Variants in IL1R1 observed in about 807,000 individuals in gnomAD.
IL1R1 encodes interleukin 1 receptor type 1.
In IL1R1, 22 loss-of-function variants were observed where a neutral mutation model predicts 50.2. The observed-to-expected ratio is 0.44, with a 90% CI of 0.31 to 0.63. The LOEUF (loss-of-function observed/expected upper bound fraction) is 0.63, where lower values mean the gene tolerates loss of function less well. Among genes scored for constraint, IL1R1 ranks in the 20% least tolerant of loss-of-function variants. IL1R1 has a pLI of 0.07. For synonymous variants in IL1R1, 251 were observed against 236.7 expected (o/e 1.06, Z -0.55); for missense variants, 509 against 676.2 (o/e 0.75, Z 2.74).
At chr2:102,102,397 T>C (rs2104339577), upstream of IL1R1, among the ~76,000 whole-genome samples, 1 of 152,274 alleles carries the variant, frequency 6.6e-6, no homozygotes, top group South Asian at 2.1e-4. Flanking sequence ...CAATCAGTTT[T>C]CTCACCTGTA....
At chr2:102,164,121 A>G (rs1252640904) in intron 3 of IL1R1, among the ~76,000 whole-genome samples, 1 of 151,854 alleles carries the variant, frequency 6.6e-6, no homozygotes, top group African/African-American at 2.4e-5. Context: ...TCATTTTCTT[A>G]TATGCTTACA....
chr2:102,082,668 T>C (rs747375454), intron 1 of IL1R1, among the ~76,000 whole-genome samples: 7 of 152,180 alleles, frequency 4.6e-5, no homozygotes, highest in Non-Finnish European at 7.3e-5. Flanking sequence ...CAGAGAGTCT[T>C]ATTGTGCCAT....
At position 102,176,687 on chromosome 2, in the gene IL1R1, A is replaced by G. The variant is rs1272321919; in HGVS notation, c.1638A>G (p.Ser546=). Residue 546 remains serine, a synonymous_variant, in exon 12 of 12, where the codon TCA becomes TCG. Transcript: ENST00000410023. ...TGCCAGTCCAGCGACGGTCACCTTC[A>G]TCTAAACACCAGTTACTGTCACCAG... ...YHMPVQRRSP[S]SKHQLLSPAT... 1 of 1,614,202 alleles carries G rather than the reference A, an allele frequency of 6.2e-7. No individual in the cohort carries two copies. The highest frequency in any genetic ancestry group is 8.5e-7 in the Non-Finnish European group (1 of 1,180,046).
At chr2:102,110,944 C>T (rs923045472) in intron 1 of IL1R1, among the ~76,000 whole-genome samples, 12 of 152,116 alleles carry the variant, frequency 7.9e-5, no homozygotes, top group East Asian at 1.9e-4. Context: ...GTGATTGGGA[C>T]GGCTCGAGGT....
intron 1 of IL1R1, among the ~76,000 whole-genome samples, chr2:102,108,592 C>T (rs1378001638): frequency 3.3e-5 from 5 of 151,872 alleles, no homozygotes; most frequent in Non-Finnish European, 5.9e-5. Flanking sequence ...AATATTTACC[C>T]AGTTCTGTGG....
chr2:102,109,827 C>G (rs1338846223), intron 1 of IL1R1, among the ~76,000 whole-genome samples: 1 of 152,158 alleles, frequency 6.6e-6, no homozygotes, highest in Non-Finnish European at 1.5e-5. Context: ...GGAACTCCAG[C>G]GAATGAGATG....
chr2:102,171,053 CTG>C (rs1409368899), intron 7 of IL1R1, among the ~76,000 whole-genome samples: 1 of 152,152 alleles, frequency 6.6e-6, no homozygotes, highest in Non-Finnish European at 1.5e-5. Flanking sequence ...CAGAGCGAGA[CTG>C]TGTCTCATTT....
intron 1 of IL1R1, among the ~76,000 whole-genome samples, chr2:102,118,207 G>T (rs1271626711): frequency 6.6e-6 from 1 of 152,116 alleles, no homozygotes; most frequent in Non-Finnish European, 1.5e-5. Flanking sequence ...TTAATGATCA[G>T]TGATGTTCAA....
intron 1 of IL1R1, among the ~76,000 whole-genome samples, chr2:102,084,790 G>A (rs1379060418): frequency 6.6e-6 from 1 of 152,120 alleles, no homozygotes; most frequent in African/African-American, 2.4e-5. Flanking sequence ...ATATGTATTT[G>A]TTCCTCAGCA....
chr2:102,101,541 G>C (rs1053408400), upstream of IL1R1, among the ~76,000 whole-genome samples: 1 of 152,144 alleles, frequency 6.6e-6, no homozygotes, highest in African/African-American at 2.4e-5. Context: ...CACACATACT[G>C]TACGTGCTTC....
chr2:102,148,181 A>G (rs1041099625), intron 1 of IL1R1, among the ~76,000 whole-genome samples: 1 of 152,222 alleles, frequency 6.6e-6, no homozygotes, highest in African/African-American at 2.4e-5. Flanking sequence ...TCTCCACGAG[A>G]TGGAAACCAT....
At chr2:102,162,036 T>C (rs1684778181) in intron 3 of IL1R1, among the ~76,000 whole-genome samples, 1 of 152,170 alleles carries the variant, frequency 6.6e-6, no homozygotes, top group South Asian at 2.1e-4. Flanking sequence ...CCCTTTTTTC[T>C]TGTAATATTT....
chr2:102,096,506 A>C (rs935275765), intron 1 of IL1R1, among the ~76,000 whole-genome samples: 1 of 151,886 alleles, frequency 6.6e-6, no homozygotes, highest in Non-Finnish European at 1.5e-5. Context: ...TTGGCCTTTC[A>C]GGTTTTCTAT....
At chr2:102,102,915 A>C (rs772367172), upstream of IL1R1, among the ~76,000 whole-genome samples, 1 of 152,142 alleles carries the variant, frequency 6.6e-6, no homozygotes, top group Non-Finnish European at 1.5e-5. Flanking sequence ...CAAATACTGC[A>C]TGGTCTCACT....
chr2:102,103,990 GAAAAAAAAA>G (rs72041212), upstream of IL1R1, among the ~76,000 whole-genome samples: 3 of 83,976 alleles, frequency 3.6e-5, no homozygotes, highest in African/African-American at 4.8e-5. Context: ...GACTGTCTCA[GAAAAAAAAA>G]AAAAAAAAAA....
rs762031293 is a variant in IL1R1, at chr2:102,164,877, A to C, written c.165A>C (p.Ile55=). The change falls in exon 4 of 12, where the codon ATA becomes ATC. Residue 55 remains isoleucine (I), a synonymous_variant. Coordinates refer to ENST00000410023, the MANE Select transcript of IL1R1 (RefSeq NM_000877.4). ...PLNPNEHKGT[I]TWYKDDSKTP... is the part of the protein sequence containing the mutation. ...ACCCAAATGAACACAAAGGCACTAT[A>C]ACTTGGTATAAAGATGACAGCAAGA... 1.2e-6 allele frequency: 2 copies of C among 1,614,028 alleles called. No homozygotes were observed. The highest frequency in any genetic ancestry group is 4.5e-5 in the East Asian group (2 of 44,862).
At chr2:102,076,933 T>C (rs1678992690) in intron 1 of IL1R1, among the ~76,000 whole-genome samples, 1 of 152,182 alleles carries the variant, frequency 6.6e-6, no homozygotes, top group Admixed American at 6.5e-5. Context: ...ATTACACATA[T>C]ATTTGGATAT....
rs529269911 is a variant in IL1R1, at chr2:102,160,757, C to T, written c.61+2972C>T. Among the ~76,000 whole-genome samples, 14 of 152,332 alleles carry T rather than the reference C, an allele frequency of 9.2e-5. 1 individual carries two copies. Among genetic ancestry groups the T allele is most frequent in the African/African-American group, 3.4e-4 (14 of 41,576 alleles). On this transcript the variant is annotated intron_variant, in intron 3 of 11. Transcript: ENST00000410023. The stretch of plus-strand genomic sequence containing the variant: ...AAACTGTTTATGCTGCCCTGCCTTG[C>T]CTTTCCCATGGGAACCCCAGTAAAG...
At chr2:102,158,496 G>C (rs951110740) in intron 3 of IL1R1, among the ~76,000 whole-genome samples, 11 of 152,152 alleles carry the variant, frequency 7.2e-5, no homozygotes, top group Non-Finnish European at 1.3e-4. Context: ...TTAAGGAAGG[G>C]GAAAAGAGAG....
Sources: allele counts gnomAD v4.1 joint callset (sites outside exome capture counted in the v4.1 genomes callset), GRCh38; gene constraint gnomAD v4.1.1; transcripts MANE v1.5; gene names NCBI Gene and HGNC (gene_info 2026-07-23, HGNC 2026-07-21).